The following ABR variants were observed in gnomAD, a reference collection of about 807,000 sequenced individuals.
The protein encoded by ABR is active breakpoint cluster region-related protein.
In ABR, 35 loss-of-function variants were observed where a neutral mutation model predicts 107.2. That is an observed-to-expected ratio of 0.33 (90% CI 0.25 to 0.43). The LOEUF is 0.43. Among genes scored for constraint, ABR ranks in the 20% least tolerant of loss-of-function variants. ABR has a pLI of 1.00. For synonymous variants in ABR, 498 were observed against 462.0 expected, an observed-to-expected ratio of 1.08 and a Z score of -1.00; for missense variants, 815 against 1,115.2, an observed-to-expected ratio of 0.73 and a Z score of 3.83.
chr17:1,179,371 A>C lies in ABR; in HGVS notation c.61+296T>G, dbSNP rs1292054324. Reference sequence around the variant, plus strand: ...TCACAACAGGTGGGAGGGGGGACGCAGCTCTCGGCTCGGTCCGCCCACGGT... The same window carrying C: ...TCACAACAGGTGGGAGGGGGGACGCCGCTCTCGGCTCGGTCCGCCCACGGT... On this transcript the variant is annotated intron_variant, in intron 1 of 22. Transcript: ENST00000302538. The surrounding 1 kb of genome is among the most constrained non-coding windows in gnomAD (Gnocchi z 4.9). Among the ~76,000 whole-genome samples, 1 of 151,880 alleles carries C rather than the reference A, an allele frequency of 6.6e-6. No individual in the cohort carries two copies. Among genetic ancestry groups the C allele is most frequent in the East Asian group, 1.9e-4 (1 of 5,144 alleles).
At position 1,009,650 on chromosome 17, in the gene ABR, G is replaced by C. The variant is rs567964565; in HGVS notation, c.2342+29C>G. The C allele has an allele frequency of 3.2e-5, 50 of 1,578,494 alleles. No homozygotes were observed. The South Asian group carries it at 5.2e-4, about 16-fold the overall frequency. Reference sequence around the variant, plus strand: ...TACCTTTTCATGAGGAGGGACTGAGGAGGTGGGGTTGGGGCCGCTCCCCGT... The same window carrying C: ...TACCTTTTCATGAGGAGGGACTGAGCAGGTGGGGTTGGGGCCGCTCCCCGT... On this transcript the variant is annotated intron_variant, in intron 21 of 22. Coordinates refer to ENST00000302538, the MANE Select transcript of ABR (RefSeq NM_021962.5).
chr17:1,067,979 C>T (rs1475786091), intron 9 of ABR, among the ~76,000 whole-genome samples: 33 of 152,068 alleles, frequency 2.2e-4, no homozygotes, highest in Admixed American at 2.2e-3. Context: ...TGTTCCCAGG[C>T]TGGAGTGCAA....
At chr17:1,045,390 CAGGA>C (rs1462978136) in intron 16 of ABR, among the ~76,000 whole-genome samples, 1 of 125,792 alleles carries the variant, frequency 7.9e-6, no homozygotes, top group African/African-American at 2.6e-5. Flanking sequence ...CTTCTTACAG[CAGGA>C]CAATCTTCCG....
At chr17:1,167,446 G>A (rs1479550261) in intron 1 of ABR, among the ~76,000 whole-genome samples, 1 of 152,202 alleles carries the variant, frequency 6.6e-6, no homozygotes, top group African/African-American at 2.4e-5. Flanking sequence ...GTGCCTAGCT[G>A]GGTGTTGCGG....
At chr17:1,006,327 G>A (rs1253289145) in intron 22 of ABR, among the ~76,000 whole-genome samples, 158 bp from the exon 23 acceptor site, 2 of 152,236 alleles carry the variant, frequency 1.3e-5, no homozygotes, top group Admixed American at 6.5e-5. Flanking sequence ...GCCGTGGAAG[G>A]TGCTACGGGG....
chr17:1,226,655 C>A (rs1156468544), intron 1 of ABR, among the ~76,000 whole-genome samples: 1 of 148,044 alleles, frequency 6.8e-6, no homozygotes, highest in East Asian at 2.0e-4. Flanking sequence ...TGAATGTGTG[C>A]ATGTATGTAT....
intron 16 of ABR, chr17:1,031,829 G>A (rs1006439419): frequency 4.4e-6 from 5 of 1,123,854 alleles, no homozygotes; most frequent in African/African-American, 3.4e-5. Context: ...CCCTAGTCCC[G>A]CCGGCTTTCC....
upstream of ABR, among the ~76,000 whole-genome samples, chr17:1,191,914 C>A (rs1178405908): frequency 1.3e-5 from 2 of 152,064 alleles, no homozygotes; most frequent in East Asian, 3.9e-4. Context: ...AGGGAAAGAG[C>A]GCTCGACCGA....
At chr17:1,161,313 C>T (rs1296290450) in intron 1 of ABR, among the ~76,000 whole-genome samples, 2 of 151,928 alleles carry the variant, frequency 1.3e-5, no homozygotes, top group Non-Finnish European at 2.9e-5. Flanking sequence ...GTGATCACAG[C>T]TCACTGTAAG....
chr17:1,031,746 G>T (rs534723101), intron 16 of ABR: 11 of 1,237,406 alleles, frequency 8.9e-6, no homozygotes, highest in African/African-American at 7.8e-5. Flanking sequence ...GGTCATGCCG[G>T]GGGGGACGGG....
intron 1 of ABR, among the ~76,000 whole-genome samples, chr17:1,219,956 G>T (rs2043086701): frequency 6.6e-6 from 1 of 151,636 alleles, no homozygotes; most frequent in Non-Finnish European, 1.5e-5. Flanking sequence ...AGGTACTGGA[G>T]TATCTTTATA....
rs925466076 is a variant in ABR at position 1,041,000 on chromosome 17, A to G, written c.1791+9050T>C. On this transcript the variant is annotated intron_variant, in intron 16 of 22. Transcript: ENST00000302538. ...GCAATCTCGGCTCACCGCAACCTCC[A>G]CCTCCTGGGTCCTGGTTCACACCAT... 1.3e-4 allele frequency among the ~76,000 whole-genome samples: 20 copies of G among 151,358 alleles called. 1 individual carries two copies. The highest frequency in any genetic ancestry group is 4.9e-4 in the African/African-American group (20 of 41,126).
intron 1 of ABR, among the ~76,000 whole-genome samples, chr17:1,171,659 C>T (rs996442212): frequency 6.6e-6 from 1 of 152,204 alleles, no homozygotes; most frequent in African/African-American, 2.4e-5. Flanking sequence ...AGGCCAGGCA[C>T]GGTGGCTCAC....
chr17:1,046,978 AC>A (rs2031720467), intron 16 of ABR, among the ~76,000 whole-genome samples: 1 of 151,266 alleles, frequency 6.6e-6, no homozygotes, highest in Non-Finnish European at 1.5e-5. Context: ...TGCTTCCCCC[AC>A]CCCACCCCGC....
In ABR at chr17:1,095,005, G is replaced by A. The variant is rs529271208; in HGVS notation, c.346-3155C>T. Reference sequence around the variant, plus strand: ...TGGAACTAGCTTCAGGATTGACATCGTCGTAAGAGTTTATCCTTTTCACCT... The same window carrying A: ...TGGAACTAGCTTCAGGATTGACATCATCGTAAGAGTTTATCCTTTTCACCT... On this transcript the variant is annotated intron_variant, in intron 3 of 22. Transcript: ENST00000302538. Among the ~76,000 whole-genome samples, 6 of 152,332 alleles carry A rather than the reference G, an allele frequency of 3.9e-5. No individual in the cohort carries two copies. The East Asian group carries it at 5.8e-4, about 15-fold the overall frequency.
chr17:1,202,781 T>C (rs1465484788), intron 1 of ABR, among the ~76,000 whole-genome samples: 1 of 152,266 alleles, frequency 6.6e-6, no homozygotes, highest in African/African-American at 2.4e-5. Flanking sequence ...AATGGCCCTC[T>C]TGTTTCAACA....
Position 1,073,049 on chromosome 17 carries a change from G to A in ABR, c.754-295C>T, listed in dbSNP as rs183265818. ...ATAAAAATTAGCTGGGCGTGGTGGC[G>A]GGCGCCTGTAGTCCCAGCTACTCGG... is the stretch of plus-strand genomic sequence containing the variant. On this transcript the variant is annotated intron_variant, in intron 7 of 22. Coordinates refer to ENST00000302538, the MANE Select transcript of ABR (RefSeq NM_021962.5). Among the ~76,000 whole-genome samples, 840 of 151,424 alleles carry A rather than the reference G, an allele frequency of 5.5e-3. 12 individuals are homozygous for A. The highest frequency in any genetic ancestry group is 0.019 in the African/African-American group (789 of 41,184).
intron 16 of ABR, among the ~76,000 whole-genome samples, chr17:1,032,244 C>T (rs2072865293): frequency 6.6e-6 from 1 of 152,114 alleles, no homozygotes; most frequent in Admixed American, 6.5e-5. Flanking sequence ...GCCCTGGGGT[C>T]GCACTTCCCC....
intron 1 of ABR, among the ~76,000 whole-genome samples, chr17:1,163,250 C>T (rs766486838): frequency 7.9e-5 from 12 of 152,226 alleles, no homozygotes; most frequent in Non-Finnish European, 1.6e-4. Flanking sequence ...CTAACGTTAG[C>T]TATTATCACT....
Sources: gnomAD v4.1 joint callset for allele counts (sites outside exome capture counted in the v4.1 genomes callset) on GRCh38, gnomAD v4.1.1 for gene constraint, Gnocchi (gnomAD v3.1) non-coding constraint, MANE v1.5 for transcripts, NCBI Gene and HGNC (gene_info 2026-07-23, HGNC 2026-07-21) for gene names.